Variants in NALCN observed in about 807,000 individuals in gnomAD.
The protein encoded by NALCN is sodium leak channel NALCN.
Under a neutral mutation model 225.3 loss-of-function variants are expected in NALCN, and 111 were observed. That is an observed-to-expected ratio of 0.49 (90% CI 0.42 to 0.58). The LOEUF is 0.58. Ranked by LOEUF, NALCN falls within the 20% of genes least tolerant of loss-of-function variation. The probability of loss-of-function intolerance (pLI) is 0.00; values close to 1 mark genes in which losing one functional copy is unlikely to be tolerated. For missense variants in NALCN, 1,378 were observed against 2,202.4 expected (o/e 0.63, Z 7.49); for synonymous variants, 764 against 769.0 (o/e 0.99, Z 0.11).
chr13:101,191,991 G>C lies in NALCN; in HGVS notation c.1690C>G (p.Leu564Val). 6.2e-7 allele frequency: 1 copy of C among 1,602,110 alleles called. No individual in the cohort carries two copies. Residue 564 changes from leucine (L) to valine (V), a missense_variant, in exon 14 of 44, where the codon CTA becomes GTA. Around this residue, in one of 19 missense-constraint regions of NALCN, gnomAD observed 62 missense variants for 143.6 expected, o/e 0.43. Transcript: ENST00000251127. Reference sequence around the variant, plus strand: ...GCCCACATATGTCCCACAGCATTTAGAGTTTGGTCCATTACGTCCACCCAT... The same window carrying C: ...GCCCACATATGTCCCACAGCATTTACAGTTTGGTCCATTACGTCCACCCAT... ...EGWVDVMDQT[L>V]NAVGHMWAPV...
chr13:101,249,370 A>C (rs1415306510), intron 11 of NALCN, among the ~76,000 whole-genome samples: 2 of 152,190 alleles, frequency 1.3e-5, no homozygotes, highest in African/African-American at 4.8e-5. Flanking sequence ...TTCCAGAGGG[A>C]CTTTATTCAT....
chr13:101,307,083 T>A (rs1447942018), intron 7 of NALCN, among the ~76,000 whole-genome samples: 2 of 152,228 alleles, frequency 1.3e-5, no homozygotes, highest in East Asian at 3.8e-4. Flanking sequence ...CCATTATTGT[T>A]ATGAACTTCT....
intron 7 of NALCN, among the ~76,000 whole-genome samples, chr13:101,308,515 C>T (rs943601620): frequency 2.0e-5 from 3 of 152,070 alleles, no homozygotes; most frequent in Non-Finnish European, 4.4e-5. Context: ...ACCCACATAC[C>T]CAGGATGGCA....
chr13:101,343,569 T>C (rs1158504254), intron 7 of NALCN, among the ~76,000 whole-genome samples: 1 of 152,234 alleles, frequency 6.6e-6, no homozygotes, highest in East Asian at 1.9e-4. Flanking sequence ...GAGCCAGGCA[T>C]AGCCCTGTGC....
chr13:101,057,890 A>T (rs1489181838), intron 43 of NALCN, 49 bp downstream of exon 43: 1 of 1,435,188 alleles, frequency 7.0e-7, no homozygotes, highest in South Asian at 1.1e-5. Context: ...AACAGAGTAA[A>T]TACCTTTAAA....
At chr13:101,181,905 C>T (rs766509227) in intron 14 of NALCN, among the ~76,000 whole-genome samples, 10 of 152,004 alleles carry the variant, frequency 6.6e-5, no homozygotes, top group Non-Finnish European at 1.5e-4. Context: ...AGGCCAAGGC[C>T]GGCAGATCAC....
chr13:101,178,888 C>T (rs571967587), intron 14 of NALCN, among the ~76,000 whole-genome samples: 2 of 152,262 alleles, frequency 1.3e-5, no homozygotes, highest in African/African-American at 4.8e-5. Flanking sequence ...TGCATTGCAG[C>T]CTGCGTTAGA....
intron 11 of NALCN, among the ~76,000 whole-genome samples, chr13:101,249,301 A>G (rs1414126380): frequency 6.6e-6 from 1 of 152,156 alleles, no homozygotes; most frequent in African/African-American, 2.4e-5. Context: ...ATTAATCAAG[A>G]TCTCTCTTCT....
chr13:101,167,875 C>T (rs534727655), intron 15 of NALCN, among the ~76,000 whole-genome samples: 59 of 151,264 alleles, frequency 3.9e-4, no homozygotes, highest in Admixed American at 8.6e-4. Context: ...GTCGAATCAT[C>T]GTAAGTCAGA....
intron 11 of NALCN, among the ~76,000 whole-genome samples, chr13:101,248,010 C>T (rs2095270): frequency 0.22 from 32,787 of 152,046 alleles, 3,585 homozygotes; most frequent in East Asian, 0.37. Flanking sequence ...TCCTTTTTAT[C>T]GCTGCCTAGT....
chr13:101,082,537 AT>A (rs1322062440), intron 33 of NALCN, among the ~76,000 whole-genome samples: 15 of 152,334 alleles, frequency 9.8e-5, no homozygotes, highest in South Asian at 4.1e-4. Context: ...GGCTTGCACC[AT>A]TCCCTCTAAA....
In NALCN at chr13:101,103,348, G is replaced by A; in HGVS notation, c.2890-9C>T. On this transcript the variant is annotated splice_polypyrimidine_tract_variant and intron_variant, in intron 25 of 43. Transcript: ENST00000251127. ...AGAAATATCAAGCTCACCTAAAGGG[G>A]AACAAATGATCTCTGGAATTTATAC... 5 of 1,599,654 alleles carry A rather than the reference G, an allele frequency of 3.1e-6. No individual in the cohort carries two copies. The highest frequency in any genetic ancestry group is 3.4e-6 in the Non-Finnish European group (4 of 1,174,854).
intron 6 of NALCN, among the ~76,000 whole-genome samples, chr13:101,355,426 C>G (rs567129319): frequency 1.3e-5 from 2 of 150,522 alleles, no homozygotes; most frequent in Admixed American, 6.6e-5. Flanking sequence ...GGACTTTAAA[C>G]AAACAAAGAT....
intron 28 of NALCN, among the ~76,000 whole-genome samples, chr13:101,092,298 C>T (rs1467082948): frequency 6.6e-6 from 1 of 152,142 alleles, no homozygotes; most frequent in Non-Finnish European, 1.5e-5. Flanking sequence ...TGGGGGCACC[C>T]TGAAGACGTG....
At chr13:101,378,264 G>A (rs2046749637) in intron 4 of NALCN, among the ~76,000 whole-genome samples, 1 of 151,982 alleles carries the variant, frequency 6.6e-6, no homozygotes, top group Non-Finnish European at 1.5e-5. Flanking sequence ...TAAAATGTTT[G>A]AGGTGATATA....
At position 101,104,807 on chromosome 13, in the gene NALCN, A is replaced by G. The variant is rs2035012274; in HGVS notation, c.2636+87T>C. 1.3e-6 allele frequency: 2 copies of G among 1,565,156 alleles called. No individual in the cohort carries two copies. The highest frequency in any genetic ancestry group is 3.4e-5 in the Admixed American group (2 of 58,032). On this transcript the variant is annotated intron_variant, in intron 23 of 43. Coordinates refer to ENST00000251127, the MANE Select transcript of NALCN (RefSeq NM_052867.4). The surrounding 1 kb of genome is among the most constrained non-coding windows in gnomAD (Gnocchi z 4.2). ...TCATAGCACTATATAGCAAGAAAATAAAAGAGAATTTTAATCGTTGTATGC... is the reference window on the plus strand; with the variant it reads ...TCATAGCACTATATAGCAAGAAAATGAAAGAGAATTTTAATCGTTGTATGC...
rs1266249466 is a variant in NALCN, at chr13:101,057,725, T to C, written c.5023+214A>G. The C allele has an allele frequency of 8.8e-6, 5 of 567,802 alleles. No individual in the cohort carries two copies. In the Admixed American group the frequency reaches 1.2e-4, roughly 13 times the overall value. 35.2% of individuals were successfully genotyped at this position (567,802 alleles called of 1,614,324 possible). A position where few individuals can be genotyped will look rare whatever the true frequency, so the allele number is the denominator to read the frequency against. ...GCTTCTCAACCATGATAGCCTGAAA[T>C]GTACCCGGAAAATGGGGGCTAATGT... On this transcript the variant is annotated intron_variant, in intron 43 of 43. Coordinates refer to ENST00000251127, the MANE Select transcript of NALCN (RefSeq NM_052867.4).
At chr13:101,319,070 A>T (rs546959943) in intron 7 of NALCN, among the ~76,000 whole-genome samples, 1 of 152,320 alleles carries the variant, frequency 6.6e-6, no homozygotes, top group African/African-American at 2.4e-5. Context: ...CTGCAGCTCA[A>T]ATGCATCTCA....
intron 11 of NALCN, among the ~76,000 whole-genome samples, chr13:101,257,993 C>A (rs1291208665): frequency 6.6e-6 from 1 of 152,074 alleles, no homozygotes; most frequent in Non-Finnish European, 1.5e-5. Context: ...GGTTGTAACA[C>A]CCGTTTCTAG....
Sources: allele counts gnomAD v4.1 joint callset (sites outside exome capture counted in the v4.1 genomes callset), GRCh38; gene constraint gnomAD v4.1.1; regional missense constraint gnomAD v4.1.1; non-coding constraint Gnocchi (gnomAD v3.1); transcripts MANE v1.5; gene names NCBI Gene and HGNC (gene_info 2026-07-23, HGNC 2026-07-21).